Variants in PHLPP1 observed in about 807,000 individuals in gnomAD.
PHLPP1 encodes PH domain leucine-rich repeat-containing protein phosphatase 1.
A neutral mutation model predicts 117.2 loss-of-function variants in PHLPP1; 42 were observed. The observed-to-expected ratio is 0.36, with a 90% CI of 0.28 to 0.46. The LOEUF (loss-of-function observed/expected upper bound fraction) is 0.46. Among genes scored for constraint, PHLPP1 ranks in the 20% least tolerant of loss-of-function variants. The pLI is 1.00. For synonymous variants in PHLPP1, 1,042 were observed against 970.7 expected (o/e 1.07, Z -1.37); for missense variants, 2,084 against 2,241.9 (o/e 0.93, Z 1.42).
intron 4 of PHLPP1, among the ~76,000 whole-genome samples, chr18:62,864,090 C>T (rs985635688): frequency 2.0e-5 from 3 of 152,154 alleles, no homozygotes; most frequent in Middle Eastern, 3.4e-3. Context: ...GGCACAGTCT[C>T]GGCTCACTGC....
At position 62,823,296 on chromosome 18, in the gene PHLPP1, C is replaced by T. The variant is rs963932910; in HGVS notation, c.1577-6739C>T. Reference sequence around the variant, plus strand: ...ATATTTGACAGAAGTCTGGGCACAGCGACTCAGGCTTATAATCCTAACACG... The same window carrying T: ...ATATTTGACAGAAGTCTGGGCACAGTGACTCAGGCTTATAATCCTAACACG... On this transcript the variant is annotated intron_variant, in intron 1 of 16. Transcript: ENST00000262719. 5.3e-5 allele frequency among the ~76,000 whole-genome samples: 8 copies of T among 152,032 alleles called. No homozygotes were observed. The South Asian group carries it at 8.3e-4, about 16-fold the overall frequency.
chr18:62,901,997 G>A (rs568276512), intron 6 of PHLPP1, among the ~76,000 whole-genome samples: 1 of 152,234 alleles, frequency 6.6e-6, no homozygotes, highest in Non-Finnish European at 1.5e-5. Flanking sequence ...AAAATAGATG[G>A]TTTTTGTTGT....
chr18:62,913,058 T>G (rs1053289911), intron 8 of PHLPP1, among the ~76,000 whole-genome samples: 2 of 152,224 alleles, frequency 1.3e-5, no homozygotes, highest in Admixed American at 1.3e-4. Context: ...GAATTCTGCC[T>G]CTTAAATGAT....
intron 1 of PHLPP1, among the ~76,000 whole-genome samples, chr18:62,816,025 T>G (rs1914262366): frequency 6.6e-6 from 1 of 152,220 alleles, no homozygotes; most frequent in African/African-American, 2.4e-5. Flanking sequence ...ATAATTGCAT[T>G]ATAGATGCAT....
At chr18:62,833,006 A>C (rs1295992628) in intron 2 of PHLPP1, among the ~76,000 whole-genome samples, 1 of 152,228 alleles carries the variant, frequency 6.6e-6, no homozygotes, top group African/African-American at 2.4e-5. Context: ...AGATACATTT[A>C]TATTATGCAG....
In PHLPP1 at chr18:62,978,233, T is replaced by C; in HGVS notation, c.3985-29T>C. ...GTTGCCGCAGGTGCTCTGTATTAAC[T>C]GTCTGTCTGCAAACCCTTGTTCTTC... On this transcript the variant is annotated intron_variant, in intron 16 of 16. Transcript: ENST00000262719. This position sits in a 1 kb window ranked among gnomAD's most constrained non-coding sequence, Gnocchi z 7.0. 3.6e-6 allele frequency: 5 copies of C among 1,404,170 alleles called. No individual in the cohort carries two copies. The East Asian group carries it at 9.4e-5, about 26-fold the overall frequency. 87.0% of individuals were successfully genotyped at this position (1,404,170 alleles called of 1,614,324 possible).
At chr18:62,720,082 A>G (rs1319429458) in intron 1 of PHLPP1, among the ~76,000 whole-genome samples, 1 of 152,200 alleles carries the variant, frequency 6.6e-6, no homozygotes, top group Non-Finnish European at 1.5e-5. Flanking sequence ...GATATGGGAA[A>G]ATTTAATTAG....
chr18:62,883,186 A>G (rs990916800), intron 4 of PHLPP1, among the ~76,000 whole-genome samples: 1 of 152,178 alleles, frequency 6.6e-6, no homozygotes, highest in Non-Finnish European at 1.5e-5. Flanking sequence ...AAAATTAAAA[A>G]CAGGGATCCC....
intron 1 of PHLPP1, among the ~76,000 whole-genome samples, chr18:62,776,024 A>G (rs1291401651): frequency 6.6e-6 from 1 of 152,110 alleles, no homozygotes; most frequent in Non-Finnish European, 1.5e-5. Flanking sequence ...TAGCCTATCT[A>G]TGTCTATACA....
rs1217658744 is a variant in PHLPP1, at chr18:62,902,946, A to G, written c.2445-18A>G. The stretch of plus-strand genomic sequence containing the variant: ...AGCATTGCAGTTAATTATAGTCTCT[A>G]TGTCCTTTGCCCTCAAGGTTGAACG... On this transcript the variant is annotated intron_variant, in intron 6 of 16. Transcript: ENST00000262719. The G allele has an allele frequency of 3.9e-6, 6 of 1,548,872 alleles. No homozygotes were observed. Among genetic ancestry groups the G allele is most frequent in the Non-Finnish European group, 5.3e-6 (6 of 1,127,084 alleles).
intron 1 of PHLPP1, among the ~76,000 whole-genome samples, chr18:62,778,277 CA>C (rs1390464456): frequency 1.3e-5 from 2 of 152,114 alleles, no homozygotes; most frequent in East Asian, 3.8e-4. Context: ...GTTAAAAAGA[CA>C]GCGCTGGAAA....
intron 14 of PHLPP1, among the ~76,000 whole-genome samples, chr18:62,967,599 T>C (rs1381491925): frequency 1.3e-5 from 2 of 152,172 alleles, no homozygotes; most frequent in African/African-American, 4.8e-5. Flanking sequence ...ATCAAGTTAA[T>C]TCTCTTCTAT....
intron 10 of PHLPP1, 26 bp from the exon 11 acceptor site, chr18:62,941,692 C>A (rs370724487): frequency 5.1e-6 from 8 of 1,575,894 alleles, no homozygotes; most frequent in Non-Finnish European, 7.0e-6. Flanking sequence ...TTTTCAATGG[C>A]ATTTTGTTGC....
chr18:62,958,121 C>T (rs1474722120), intron 12 of PHLPP1, among the ~76,000 whole-genome samples: 1 of 152,030 alleles, frequency 6.6e-6, no homozygotes, highest in Non-Finnish European at 1.5e-5. Flanking sequence ...GGGGTTTCAC[C>T]ATGTTGGCCA....
intron 13 of PHLPP1, among the ~76,000 whole-genome samples, chr18:62,962,842 G>A (rs1910807281): frequency 6.6e-6 from 1 of 152,142 alleles, no homozygotes; most frequent in Non-Finnish European, 1.5e-5. Flanking sequence ...CCCGTGAGGA[G>A]AGTATTGGAA....
intron 4 of PHLPP1, among the ~76,000 whole-genome samples, chr18:62,890,568 CT>C (rs1916382222): frequency 1.3e-5 from 2 of 152,128 alleles, no homozygotes; most frequent in South Asian, 4.1e-4. Flanking sequence ...GCCAAGCCTT[CT>C]TTTCCATTTA....
chr18:62,847,954 A>G (rs1416429241), intron 3 of PHLPP1, among the ~76,000 whole-genome samples: 1 of 152,184 alleles, frequency 6.6e-6, no homozygotes, highest in African/African-American at 2.4e-5. Context: ...TAACCTCTCA[A>G]TATTGTTGAG....
At chr18:62,884,636 A>C (rs1916242898) in intron 4 of PHLPP1, among the ~76,000 whole-genome samples, 1 of 152,248 alleles carries the variant, frequency 6.6e-6, no homozygotes, top group African/African-American at 2.4e-5. Flanking sequence ...AATAATTTCC[A>C]AAGTGGGCTA....
At chr18:62,761,639 A>T (rs1012434278) in intron 1 of PHLPP1, among the ~76,000 whole-genome samples, 49 of 151,724 alleles carry the variant, frequency 3.2e-4, no homozygotes, top group African/African-American at 1.1e-3. Flanking sequence ...TCTCAAAAAA[A>T]AATAAATAAA....
Sources: allele counts gnomAD v4.1 joint callset (sites outside exome capture counted in the v4.1 genomes callset), GRCh38; gene constraint gnomAD v4.1.1; non-coding constraint Gnocchi (gnomAD v3.1); transcripts MANE v1.5; gene names NCBI Gene and HGNC (gene_info 2026-07-23, HGNC 2026-07-21).